The following LYRM4 variants were observed in gnomAD, a reference collection of about 807,000 sequenced individuals.
The protein encoded by LYRM4 is LYR motif-containing protein 4.
In LYRM4, 9 loss-of-function variants were observed where a neutral mutation model predicts 11.7. The ratio of observed to expected loss-of-function variants is 0.77; its 90% CI spans 0.46 to 1.34. The LOEUF is 1.34. LYRM4 is among the 40% of genes most tolerant of loss of function. The pLI is 0.00. For missense variants in LYRM4, 133 were observed against 112.5 expected, an observed-to-expected ratio of 1.18 and a Z score of -0.82; for synonymous variants, 42 against 40.4, an observed-to-expected ratio of 1.04 and a Z score of -0.15.
At chr6:5,247,088 G>C (rs551630442) in intron 1 of LYRM4, among the ~76,000 whole-genome samples, 28 of 152,294 alleles carry the variant, frequency 1.8e-4, no homozygotes, top group Non-Finnish European at 1.5e-5. Flanking sequence ...GGCCCACAGC[G>C]GGCAGAGCTT....
At chr6:5,203,749 G>A (rs1313393233) in intron 2 of LYRM4, among the ~76,000 whole-genome samples, 8 of 152,180 alleles carry the variant, frequency 5.3e-5, no homozygotes, top group African/African-American at 1.9e-4. Context: ...CATGCCGAGA[G>A]CCTGCAGCTG....
downstream of LYRM4, chr6:5,102,942 C>A (rs1291224177): frequency 1.3e-5 from 2 of 152,234 alleles, no homozygotes; most frequent in Non-Finnish European, 2.9e-5. Context: ...TCTGGGTTCT[C>A]TTCAGGGTCT....
chr6:5,085,851 C>A, the LYRM4 span: 1 of 1,529,176 alleles, frequency 6.5e-7, no homozygotes, highest in Non-Finnish European at 8.7e-7. Flanking sequence ...TCGGCCCGGG[C>A]GGCTGCTGCG....
At chr6:5,125,340 A>G (rs385481) in intron 2 of LYRM4, among the ~76,000 whole-genome samples, 147,333 of 152,270 alleles carry the variant, frequency 0.97, 71,314 homozygotes, top group East Asian at 1. Flanking sequence ...GGCCTATCAC[A>G]TGCTTTGGTT....
chr6:5,191,363 C>G (rs1398675079), intron 2 of LYRM4, among the ~76,000 whole-genome samples: 1 of 152,190 alleles, frequency 6.6e-6, no homozygotes, highest in African/African-American at 2.4e-5. Flanking sequence ...GGGAAGCAAT[C>G]TGAAGTCCTT....
intron 2 of LYRM4, among the ~76,000 whole-genome samples, chr6:5,176,759 C>T (rs925869110): frequency 1.3e-5 from 2 of 152,192 alleles, no homozygotes; most frequent in Non-Finnish European, 2.9e-5. Flanking sequence ...AGCTGATTAT[C>T]TGTTTCTTTC....
chr6:5,149,296 T>A (rs376350317), intron 2 of LYRM4, among the ~76,000 whole-genome samples: 1 of 152,204 alleles, frequency 6.6e-6, no homozygotes. Flanking sequence ...CAGAAAGACC[T>A]CACAGGAGAG....
intron 2 of LYRM4, among the ~76,000 whole-genome samples, chr6:5,160,016 T>C (rs919379683): frequency 6.6e-6 from 1 of 152,212 alleles, no homozygotes; most frequent in Non-Finnish European, 1.5e-5. Flanking sequence ...AGCTTACGGC[T>C]GATCTTCTCA....
intron 2 of LYRM4, among the ~76,000 whole-genome samples, chr6:5,116,379 A>G (rs1019350215): frequency 6.6e-6 from 1 of 152,226 alleles, no homozygotes; most frequent in African/African-American, 2.4e-5. Context: ...CAGTTCACAC[A>G]GGGAGGAAAT....
At chr6:5,187,300 A>T (rs1760462398) in intron 2 of LYRM4, among the ~76,000 whole-genome samples, 1 of 152,228 alleles carries the variant, frequency 6.6e-6, no homozygotes, top group South Asian at 2.1e-4. Flanking sequence ...CCAGTGACTC[A>T]GCCCTCCTAC....
the LYRM4 span, chr6:5,066,621 A>G: frequency 8.3e-7 from 1 of 1,204,348 alleles, no homozygotes. Flanking sequence ...TTCAAGGGCA[A>G]CCACTTTGGC....
At chr6:5,043,968 C>A in the LYRM4 span, among the ~76,000 whole-genome samples, 1,167 of 152,314 alleles carry the variant, frequency 7.7e-3, 13 homozygotes, top group African/African-American at 0.027. Context: ...CCACAGCCCC[C>A]CTCTCGCTCT....
intron 1 of LYRM4, among the ~76,000 whole-genome samples, chr6:5,219,888 A>T (rs1335790984): frequency 2.0e-5 from 3 of 152,208 alleles, no homozygotes. Context: ...CGCTGTCTGA[A>T]ATACGGCATG....
At chr6:5,248,156 A>G (rs114173333) in intron 1 of LYRM4, among the ~76,000 whole-genome samples, 3,019 of 152,356 alleles carry the variant, frequency 0.02, 90 homozygotes, top group African/African-American at 0.069. Context: ...TTCTTCTTCC[A>G]ATGATATTCT....
At chr6:5,056,046 G>A in the LYRM4 span, among the ~76,000 whole-genome samples, 1 of 151,392 alleles carries the variant, frequency 6.6e-6, no homozygotes, top group Non-Finnish European at 1.5e-5. Flanking sequence ...ATGTTGCCCA[G>A]GCTGAAATGC....
intron 1 of LYRM4, among the ~76,000 whole-genome samples, chr6:5,245,116 A>ATATATATATATG (rs1764119060): frequency 1.4e-4 from 2 of 14,712 alleles, no homozygotes; most frequent in African/African-American, 3.0e-4. Context: ...AAAAAAAAAT[A>ATATATATATATG]TATATATATA....
the LYRM4 span, among the ~76,000 whole-genome samples, chr6:5,091,858 A>G: frequency 6.6e-6 from 1 of 152,308 alleles, no homozygotes; most frequent in South Asian, 2.1e-4. Flanking sequence ...AGCCATTTTC[A>G]AGTGACTTAT....
intron 2 of LYRM4, among the ~76,000 whole-genome samples, chr6:5,149,823 T>G (rs569490611): frequency 6.6e-6 from 1 of 152,328 alleles, no homozygotes; most frequent in East Asian, 1.9e-4. Context: ...GACACACATA[T>G]GCACAACAGG....
At chr6:5,076,993 G>C in the LYRM4 span, among the ~76,000 whole-genome samples, 1 of 152,156 alleles carries the variant, frequency 6.6e-6, no homozygotes, top group East Asian at 1.9e-4. Context: ...GAGAAAAAAG[G>C]AAACCTCCCT....
Sources: allele counts gnomAD v4.1 joint callset (sites outside exome capture counted in the v4.1 genomes callset), GRCh38; gene constraint gnomAD v4.1.1; transcripts MANE v1.5; gene names NCBI Gene and HGNC (gene_info 2026-07-23, HGNC 2026-07-21).